GRM7: variants seen among roughly 807,000 people sequenced by gnomAD.
GRM7 encodes the protein glutamate metabotropic receptor 7, also known as metabotropic glutamate receptor 7.
Under a neutral mutation model 84.5 loss-of-function variants are expected in GRM7, and 35 were observed. That is an observed-to-expected ratio of 0.41 (90% CI 0.32 to 0.55). GRM7 has a LOEUF of 0.55. Among genes scored for constraint, GRM7 ranks in the 20% least tolerant of loss-of-function variants. The pLI, the probability that GRM7 is intolerant of heterozygous loss-of-function variation, is 0.19. For missense variants in GRM7, 1,003 were observed against 1,194.6 expected (o/e 0.84, Z 2.36); for synonymous variants, 487 against 455.1 (o/e 1.07, Z -0.89).
chr3:6,923,974 C>T (rs1405572922), intron 1 of GRM7, among the ~76,000 whole-genome samples: 1 of 152,186 alleles, frequency 6.6e-6, no homozygotes, highest in Non-Finnish European at 1.5e-5. Context: ...AAAATGATGA[C>T]ATCTGATACT....
At chr3:7,445,485 GC>G (rs1409451824) in intron 5 of GRM7, among the ~76,000 whole-genome samples, 3 of 152,282 alleles carry the variant, frequency 2.0e-5, no homozygotes, top group African/African-American at 7.2e-5. Context: ...ATTAACACGT[GC>G]TGCGGGTGGT....
At chr3:7,692,032 G>T (rs1026431706) in intron 9 of GRM7, among the ~76,000 whole-genome samples, 10 of 152,110 alleles carry the variant, frequency 6.6e-5, no homozygotes, top group Admixed American at 5.2e-4. Context: ...TAAACTCTCA[G>T]AGTTGGAAGT....
chr3:7,271,295 A>C (rs571046013), intron 2 of GRM7, among the ~76,000 whole-genome samples: 13 of 152,016 alleles, frequency 8.6e-5, no homozygotes, highest in Admixed American at 1.3e-4. Context: ...CGCAGTGGCT[A>C]ACGCCTGTAA....
At chr3:6,954,024 A>C (rs1414615527) in intron 1 of GRM7, among the ~76,000 whole-genome samples, 1 of 152,024 alleles carries the variant, frequency 6.6e-6, no homozygotes, top group Non-Finnish European at 1.5e-5. Flanking sequence ...AATATATTGA[A>C]AAAGTTAAGC....
chr3:7,208,416 T>C (rs1696309645), intron 2 of GRM7, among the ~76,000 whole-genome samples: 1 of 152,172 alleles, frequency 6.6e-6, no homozygotes, highest in Non-Finnish European at 1.5e-5. Flanking sequence ...TGCTGGTGCG[T>C]GACCTTAGTC....
intron 4 of GRM7, among the ~76,000 whole-genome samples, chr3:7,336,323 C>T (rs539325614): frequency 2.1e-4 from 32 of 151,670 alleles, no homozygotes; most frequent in Non-Finnish European, 4.1e-4. Flanking sequence ...AAAAAAAAAG[C>T]ACTTGGCAAA....
chr3:7,330,413 G>GT (rs1194770351), intron 4 of GRM7, among the ~76,000 whole-genome samples: 1 of 152,184 alleles, frequency 6.6e-6, no homozygotes. Context: ...TGTCCCCCTT[G>GT]TAACAGCCAT....
chr3:6,877,278 A>T (rs1204591417), intron 1 of GRM7, among the ~76,000 whole-genome samples: 1 of 151,868 alleles, frequency 6.6e-6, no homozygotes, highest in Non-Finnish European at 1.5e-5. Flanking sequence ...CTGATTCCAC[A>T]GTGTCAAAAC....
chr3:7,443,982 CAGG>C (rs1466574768), intron 5 of GRM7, among the ~76,000 whole-genome samples: 2 of 152,126 alleles, frequency 1.3e-5, no homozygotes, highest in African/African-American at 4.8e-5. Flanking sequence ...AAGAACAAAA[CAGG>C]AGGAGGAAAA....
At chr3:7,522,537 C>T (rs951047300) in intron 7 of GRM7, among the ~76,000 whole-genome samples, 2 of 152,126 alleles carry the variant, frequency 1.3e-5, no homozygotes, top group African/African-American at 4.8e-5. Context: ...TGACATTCTC[C>T]CCACATCCAC....
intron 8 of GRM7, among the ~76,000 whole-genome samples, chr3:7,634,813 G>GAAAAA (rs1384015174): frequency 3.5e-4 from 53 of 150,970 alleles, no homozygotes; most frequent in Admixed American, 2.9e-3. Flanking sequence ...AAAAGAAAAA[G>GAAAAA]AAAAAGAAAA....
chr3:7,450,679 T>C (rs1478897592), intron 5 of GRM7, among the ~76,000 whole-genome samples: 2 of 151,830 alleles, frequency 1.3e-5, no homozygotes, highest in African/African-American at 2.4e-5. Context: ...TGAATTTGAA[T>C]GGGAAATAGC....
intron 1 of GRM7, among the ~76,000 whole-genome samples, chr3:7,038,719 A>C (rs550229908): frequency 6.6e-6 from 1 of 152,250 alleles, no homozygotes; most frequent in Non-Finnish European, 1.5e-5. Context: ...TGCTGTGAAC[A>C]GTAAAAAGAG....
chr3:7,310,889 G>A lies in GRM7; in HGVS notation c.1033+4237G>A, dbSNP rs1044112926. Among the ~76,000 whole-genome samples the A allele has an allele frequency of 4.0e-5, 6 of 151,738 alleles. No homozygotes were observed. The South Asian group carries it at 6.2e-4, about 16-fold the overall frequency. On this transcript the variant is annotated intron_variant, in intron 4 of 9. Coordinates refer to ENST00000357716, the MANE Select transcript of GRM7 (RefSeq NM_000844.4). ...TTTTCTCTCTTCCCTTATCCCTCTC[G>A]CATGAGATCTCTGCATTCTCTGAGC... is the stretch of plus-strand genomic sequence containing the variant.
chr3:7,520,295 G>C (rs1316453376), intron 7 of GRM7: 4 of 152,092 alleles, frequency 2.6e-5, no homozygotes, highest in African/African-American at 7.2e-5. Context: ...AGGAAAGGCA[G>C]GAAGATAAGA....
At chr3:7,393,004 A>G (rs1479430176) in intron 4 of GRM7, among the ~76,000 whole-genome samples, 1 of 152,012 alleles carries the variant, frequency 6.6e-6, no homozygotes, top group African/African-American at 2.4e-5. Context: ...CCCAGAGTTA[A>G]ACTCTCAGTA....
At chr3:6,937,616 G>T (rs562169335) in intron 1 of GRM7, among the ~76,000 whole-genome samples, 49 of 152,300 alleles carry the variant, frequency 3.2e-4, no homozygotes, top group African/African-American at 1.2e-3. Flanking sequence ...AACAGCCTCA[G>T]ACACTCTTCC....
At chr3:7,400,836 A>G (rs569099746) in intron 4 of GRM7, among the ~76,000 whole-genome samples, 1 of 152,280 alleles carries the variant, frequency 6.6e-6, no homozygotes, top group East Asian at 1.9e-4. Flanking sequence ...CTTTGGGCAA[A>G]TTACTTATTC....
chr3:7,228,973 T>C (rs550384485), intron 2 of GRM7, among the ~76,000 whole-genome samples: 2 of 152,334 alleles, frequency 1.3e-5, no homozygotes, highest in South Asian at 2.1e-4. Context: ...CGTGTGTTTT[T>C]ACACAAAATG....
Sources: gnomAD v4.1 joint callset for allele counts (sites outside exome capture counted in the v4.1 genomes callset) on GRCh38, gnomAD v4.1.1 for gene constraint, MANE v1.5 for transcripts, NCBI Gene and HGNC (gene_info 2026-07-23, HGNC 2026-07-21) for gene names.